The following DIAPH3 variants were observed in gnomAD, a reference collection of about 807,000 sequenced individuals.
The protein encoded by DIAPH3 is protein diaphanous homolog 3.
Under a neutral mutation model 144.3 loss-of-function variants are expected in DIAPH3, and 117 were observed. That is an observed-to-expected ratio of 0.81 (90% CI 0.70 to 0.95). The LOEUF is 0.95. DIAPH3 is among the 40% of genes least tolerant of loss of function. The probability of loss-of-function intolerance (pLI) is 0.00; values close to 1 mark genes in which losing one functional copy is unlikely to be tolerated. For synonymous variants in DIAPH3, 519 were observed against 488.9 expected, an observed-to-expected ratio of 1.06 and a Z score of -0.81; for missense variants, 1,421 against 1,412.7, an observed-to-expected ratio of 1.01 and a Z score of -0.09.
At chr13:59,682,856 TG>T (rs1465372556) in intron 27 of DIAPH3, among the ~76,000 whole-genome samples, 2 of 152,330 alleles carry the variant, frequency 1.3e-5, no homozygotes, top group Non-Finnish European at 2.9e-5. Context: ...TGTAGTTTTT[TG>T]TGCCCCTGCC....
intron 14 of DIAPH3, among the ~76,000 whole-genome samples, chr13:59,978,697 C>T (rs142133503): frequency 5.4e-4 from 82 of 151,606 alleles, no homozygotes; most frequent in African/African-American, 1.9e-3. Flanking sequence ...ATCACTGTAG[C>T]CTTGGGGAAA....
intron 24 of DIAPH3, among the ~76,000 whole-genome samples, chr13:59,822,881 T>C (rs887252844): frequency 6.6e-6 from 1 of 152,170 alleles, no homozygotes; most frequent in Non-Finnish European, 1.5e-5. Context: ...CTGCATTTGA[T>C]GTACAAAGAA....
rs115778924 is a variant in DIAPH3 at position 59,667,206 on chromosome 13, A to G, written c.3320-360T>C. ...TCCCTAGCCACCCATCTAAAATAGC[A>G]TTTGCCCTTTGCACTGCTCTATCCT... On this transcript the variant is annotated intron_variant, in intron 27 of 27. Coordinates refer to ENST00000400324, the MANE Select transcript of DIAPH3 (RefSeq NM_001042517.2). Among the ~76,000 whole-genome samples the G allele has an allele frequency of 2.8e-3, 419 of 152,184 alleles. 3 individuals carry two copies. Among genetic ancestry groups the G allele is most frequent in the African/African-American group, 9.6e-3 (398 of 41,516 alleles).
chr13:59,880,350 G>A (rs1220500508), intron 20 of DIAPH3, among the ~76,000 whole-genome samples: 4 of 151,996 alleles, frequency 2.6e-5, no homozygotes, highest in African/African-American at 7.3e-5. Context: ...CTGAAGGGGC[G>A]GTAATAGTAA....
chr13:59,881,347 T>C (rs541720096), intron 20 of DIAPH3, among the ~76,000 whole-genome samples: 1 of 152,260 alleles, frequency 6.6e-6, no homozygotes, highest in Admixed American at 6.5e-5. Context: ...TCTGAAGGTG[T>C]ATAATGGGCT....
At chr13:59,853,007 T>C (rs2043065743) in intron 22 of DIAPH3, among the ~76,000 whole-genome samples, 1 of 152,172 alleles carries the variant, frequency 6.6e-6, no homozygotes, top group South Asian at 2.1e-4. Context: ...TTGTACATAT[T>C]AACCTATTTA....
At chr13:59,777,719 G>T (rs1663837900) in intron 25 of DIAPH3, among the ~76,000 whole-genome samples, 1 of 152,104 alleles carries the variant, frequency 6.6e-6, no homozygotes, top group Non-Finnish European at 1.5e-5. Context: ...AATCATAGAA[G>T]TCCAAAGTAA....
At chr13:60,091,139 CA>C (rs1468318450) in intron 4 of DIAPH3, among the ~76,000 whole-genome samples, 2 of 152,202 alleles carry the variant, frequency 1.3e-5, no homozygotes, top group Non-Finnish European at 2.9e-5. Context: ...GTTAGATTTA[CA>C]ATTCCCTAAC....
chr13:60,017,843 A>G (rs1330867325), intron 5 of DIAPH3, among the ~76,000 whole-genome samples: 3 of 152,162 alleles, frequency 2.0e-5, no homozygotes, highest in Non-Finnish European at 2.9e-5. Flanking sequence ...AGTTAAACAG[A>G]GGTTGTTTTC....
intron 21 of DIAPH3, 21 bp downstream of exon 21, chr13:59,879,207 GT>G (rs1433939693): frequency 1.2e-6 from 2 of 1,613,230 alleles, no homozygotes; most frequent in East Asian, 4.5e-5. Context: ...GCAAATATGT[GT>G]TTTTAAAAAA....
At chr13:60,094,130 C>G (rs1286343542) in intron 3 of DIAPH3, among the ~76,000 whole-genome samples, 1 of 152,088 alleles carries the variant, frequency 6.6e-6, no homozygotes, top group Non-Finnish European at 1.5e-5. Flanking sequence ...CTCTGTGTGT[C>G]ATAAAAATTA....
At chr13:59,737,276 C>A (rs1316066657) in intron 27 of DIAPH3, among the ~76,000 whole-genome samples, 4 of 149,220 alleles carry the variant, frequency 2.7e-5, no homozygotes, top group Non-Finnish European at 5.9e-5. Context: ...TATCCAGCAT[C>A]TATAAGGAAA....
At chr13:59,783,404 T>G (rs1420977051) in intron 25 of DIAPH3, among the ~76,000 whole-genome samples, 2 of 152,202 alleles carry the variant, frequency 1.3e-5, no homozygotes, top group African/African-American at 4.8e-5. Context: ...CAATTTTGGA[T>G]ATGTTAAGTT....
At chr13:59,963,700 T>C (rs979892356) in intron 17 of DIAPH3, among the ~76,000 whole-genome samples, 1 of 152,144 alleles carries the variant, frequency 6.6e-6, no homozygotes, top group Non-Finnish European at 1.5e-5. Flanking sequence ...TCTTCTTAAA[T>C]AGAGACAGGG....
Position 59,991,315 on chromosome 13 carries a change from C to T in DIAPH3, c.1245-41G>A, listed in dbSNP as rs765982508. On this transcript the variant is annotated intron_variant, in intron 11 of 27. Transcript: ENST00000400324. ...AATATATGGATTTATTTATACTCTACACCAAACAACTATAATAATATGACA... is the reference window on the plus strand; with the variant it reads ...AATATATGGATTTATTTATACTCTATACCAAACAACTATAATAATATGACA... 73 of 1,293,866 alleles carry T rather than the reference C, an allele frequency of 5.6e-5. No homozygotes were observed. In the East Asian group the frequency reaches 1.6e-3, roughly 27 times the overall value. The allele number at this position is 1,293,866 out of a possible 1,614,324, so 80.1% of individuals were successfully genotyped here.
In DIAPH3 at chr13:59,933,485, T is replaced by C. The variant is rs191127900; in HGVS notation, c.2075-8615A>G. 3.3e-3 allele frequency among the ~76,000 whole-genome samples: 501 copies of C among 152,370 alleles called. 2 individuals are homozygous for C. The highest frequency in any genetic ancestry group is 0.011 in the African/African-American group (462 of 41,592). ...CCATGAATCGGTGGAGCTACTCTTC[T>C]AAAGCCAGTACAAAATACACTTACT... On this transcript the variant is annotated intron_variant, in intron 17 of 27. Transcript: ENST00000400324.
intron 2 of DIAPH3, among the ~76,000 whole-genome samples, chr13:60,124,689 C>CA (rs1006039398): frequency 3.3e-5 from 5 of 151,716 alleles, no homozygotes; most frequent in African/African-American, 1.2e-4. Flanking sequence ...CCCATCGCTA[C>CA]AAAAAAATAC....
At chr13:59,858,723 A>G (rs2139909826) in intron 22 of DIAPH3, among the ~76,000 whole-genome samples, 1 of 152,342 alleles carries the variant, frequency 6.6e-6, no homozygotes, top group Admixed American at 6.5e-5. Context: ...GGAAAAATGT[A>G]TTGAACCTTA....
intron 27 of DIAPH3, among the ~76,000 whole-genome samples, chr13:59,704,196 A>C (rs1415978718): frequency 6.6e-6 from 1 of 152,200 alleles, no homozygotes; most frequent in African/African-American, 2.4e-5. Flanking sequence ...GAGGCCCTTC[A>C]AGTTTCCCTT....
Sources: allele counts gnomAD v4.1 joint callset (sites outside exome capture counted in the v4.1 genomes callset), GRCh38; gene constraint gnomAD v4.1.1; transcripts MANE v1.5; gene names NCBI Gene and HGNC (gene_info 2026-07-23, HGNC 2026-07-21).